Variants in SDK1 observed in about 807,000 individuals in gnomAD.
The protein encoded by SDK1 is protein sidekick-1.
Under a neutral mutation model 245.5 loss-of-function variants are expected in SDK1, and 157 were observed. The ratio of observed to expected loss-of-function variants is 0.64; its 90% confidence interval spans 0.56 to 0.73. The LOEUF is 0.73. SDK1 is among the 30% of genes least tolerant of loss of function. The probability of loss-of-function intolerance (pLI) is 0.00; values close to 1 mark genes in which losing one functional copy is unlikely to be tolerated. For missense variants in SDK1, 3,583 were observed against 3,002.3 expected (o/e 1.19, Z -4.52); for synonymous variants, 1,647 against 1,278.5 (o/e 1.29, Z -6.15).
At chr7:4,129,666 A>G in intron 26 of SDK1, 1 of 1,380,094 alleles carries the variant, frequency 7.2e-7, no homozygotes, top group South Asian at 1.6e-5. Context: ...ATGACCAGGC[A>G]GCAGGCTCGC....
At chr7:4,253,041 T>C (rs1787415624) in intron 44 of SDK1, among the ~76,000 whole-genome samples, 1 of 152,268 alleles carries the variant, frequency 6.6e-6, no homozygotes, top group East Asian at 1.9e-4. Context: ...CTATTTCTGG[T>C]TAAAGTTTTG....
At chr7:4,058,544 G>A (rs1779337152) in intron 19 of SDK1, among the ~76,000 whole-genome samples, 1 of 152,130 alleles carries the variant, frequency 6.6e-6, no homozygotes, top group African/African-American at 2.4e-5. Flanking sequence ...CTTCTCCATG[G>A]CACATTGTAG....
At chr7:3,658,986 C>A (rs1189370259) in intron 4 of SDK1, among the ~76,000 whole-genome samples, 2 of 152,106 alleles carry the variant, frequency 1.3e-5, no homozygotes, top group Non-Finnish European at 2.9e-5. Flanking sequence ...GGCAGTCACT[C>A]ATCTTTCTTC....
intron 28 of SDK1, among the ~76,000 whole-genome samples, chr7:4,136,281 G>T (rs939160222): frequency 3.5e-4 from 54 of 152,180 alleles, no homozygotes; most frequent in Non-Finnish European, 2.9e-5. Flanking sequence ...ACCACACGGC[G>T]GAGGCTGCAG....
chr7:3,579,143 C>T (rs1395433383), intron 1 of SDK1, among the ~76,000 whole-genome samples: 1 of 151,938 alleles, frequency 6.6e-6, no homozygotes, highest in East Asian at 1.9e-4. Context: ...TGAAACTATT[C>T]CAATAAATTG....
intron 28 of SDK1, among the ~76,000 whole-genome samples, chr7:4,143,450 G>A (rs770064134): frequency 2.4e-4 from 36 of 152,130 alleles, no homozygotes; most frequent in Non-Finnish European, 4.4e-5. Context: ...AGCCCCCAGA[G>A]CCCTCCTGGC....
intron 4 of SDK1, among the ~76,000 whole-genome samples, chr7:3,670,892 A>C (rs1448553772): frequency 6.6e-6 from 1 of 152,250 alleles, no homozygotes; most frequent in East Asian, 1.9e-4. Context: ...GCTCAGTTCA[A>C]GAGTAACCTT....
At chr7:3,794,168 AAGG>A (rs796275489) in intron 4 of SDK1, among the ~76,000 whole-genome samples, 13 of 152,302 alleles carry the variant, frequency 8.5e-5, no homozygotes, top group African/African-American at 3.1e-4. Context: ...AGCAAGTATA[AAGG>A]AGAACGGCGT....
rs1355599797 is a variant in SDK1 at position 3,476,375 on chromosome 7, T to G, written c.299-142705T>G. On this transcript the variant is annotated intron_variant, in intron 1 of 44. Transcript: ENST00000404826. The stretch of plus-strand genomic sequence containing the variant: ...ATCTAACACTACCAGGGCTATGTCT[T>G]CAGCAAAAGGTGAGTGGTAGTTCCA... Among the ~76,000 whole-genome samples, 3 of 152,206 alleles carry G rather than the reference T, an allele frequency of 2.0e-5. No homozygotes were observed. In the East Asian group the frequency reaches 5.8e-4, roughly 29 times the overall value.
At chr7:3,868,755 C>T (rs542563259) in intron 5 of SDK1, among the ~76,000 whole-genome samples, 10 of 152,262 alleles carry the variant, frequency 6.6e-5, no homozygotes, top group African/African-American at 2.4e-4. Context: ...TCCAGGGGTA[C>T]ATCTGTTACC....
intron 1 of SDK1, among the ~76,000 whole-genome samples, chr7:3,479,050 T>C (rs1211393104): frequency 1.3e-5 from 2 of 152,208 alleles, no homozygotes; most frequent in Admixed American, 6.5e-5. Context: ...ACTGATTGTT[T>C]AGAACTTGTT....
intron 17 of SDK1, among the ~76,000 whole-genome samples, chr7:4,038,506 G>C (rs1328043514): frequency 6.6e-6 from 1 of 152,188 alleles, no homozygotes. Flanking sequence ...CTTGTTTGAT[G>C]TAATAATCCT....
At chr7:3,752,029 T>C (rs1453845293) in intron 4 of SDK1, among the ~76,000 whole-genome samples, 1 of 152,232 alleles carries the variant, frequency 6.6e-6, no homozygotes, top group Non-Finnish European at 1.5e-5. Context: ...AGTACTCCTT[T>C]GGCCTTCTAT....
At chr7:3,747,873 G>A (rs1337581285) in intron 4 of SDK1, among the ~76,000 whole-genome samples, 1 of 152,038 alleles carries the variant, frequency 6.6e-6, no homozygotes, top group Non-Finnish European at 1.5e-5. Context: ...AGGACATGAC[G>A]GGGTGAAAGG....
intron 5 of SDK1, among the ~76,000 whole-genome samples, chr7:3,865,106 G>A (rs1236530790): frequency 6.6e-6 from 1 of 152,202 alleles, no homozygotes; most frequent in Non-Finnish European, 1.5e-5. Context: ...GACAGGAGTA[G>A]AAAGGAAGGG....
At chr7:3,663,804 G>A (rs999969554) in intron 4 of SDK1, among the ~76,000 whole-genome samples, 1 of 152,148 alleles carries the variant, frequency 6.6e-6, no homozygotes, top group African/African-American at 2.4e-5. Context: ...ATGGAAAGTA[G>A]AAAACTAAAT....
intron 4 of SDK1, among the ~76,000 whole-genome samples, chr7:3,755,359 A>G (rs1343355681): frequency 6.6e-6 from 1 of 151,964 alleles, no homozygotes; most frequent in Non-Finnish European, 1.5e-5. Context: ...ATGACTGCAG[A>G]GGTTGTGTTT....
At chr7:3,986,684 A>C (rs1783865032) in intron 13 of SDK1, among the ~76,000 whole-genome samples, 2 of 152,148 alleles carry the variant, frequency 1.3e-5, no homozygotes. Flanking sequence ...GATGGTGTGA[A>C]ACCCCATCTC....
chr7:4,136,430 A>G (rs989712906), intron 28 of SDK1, among the ~76,000 whole-genome samples: 2 of 152,252 alleles, frequency 1.3e-5, no homozygotes, highest in Admixed American at 1.3e-4. Flanking sequence ...TTCTGAGTAC[A>G]TAAACACCTC....
Sources: gnomAD v4.1 joint callset for allele counts (sites outside exome capture counted in the v4.1 genomes callset) on GRCh38, gnomAD v4.1.1 for gene constraint, MANE v1.5 for transcripts, NCBI Gene and HGNC (gene_info 2026-07-23, HGNC 2026-07-21) for gene names.